The following MYLK variants were observed in gnomAD, a reference collection of about 807,000 sequenced individuals.
The protein encoded by MYLK is myosin light chain kinase, also known as myosin light chain kinase, smooth muscle.
MYLK carries 106 observed loss-of-function variants against 203.4 expected under a neutral mutation model. The observed-to-expected ratio is 0.52, with a 90% CI of 0.45 to 0.61. The LOEUF is 0.61. MYLK is among the 20% of genes least tolerant of loss of function. MYLK has a pLI of 0.00. For synonymous variants in MYLK, 867 were observed against 959.5 expected (o/e 0.90, Z 1.78); for missense variants, 2,072 against 2,442.3 (o/e 0.85, Z 3.20).
chr3:123,745,567 T>C (rs891529781), intron 5 of MYLK, among the ~76,000 whole-genome samples: 1 of 152,218 alleles, frequency 6.6e-6, no homozygotes, highest in Non-Finnish European at 1.5e-5. Context: ...TTGTTGTACA[T>C]GTTAGTCTAC....
chr3:123,666,717 A>G (rs2059746142), intron 21 of MYLK, among the ~76,000 whole-genome samples: 1 of 152,248 alleles, frequency 6.6e-6, no homozygotes, highest in African/African-American at 2.4e-5. Flanking sequence ...GCTTGATTCA[A>G]GTCCTCAAGT....
chr3:123,875,743 G>A (rs1276657886), intron 2 of MYLK, among the ~76,000 whole-genome samples: 2 of 152,114 alleles, frequency 1.3e-5, no homozygotes, highest in African/African-American at 4.8e-5. Context: ...TTGTGTACCT[G>A]GGAAAATGCT....
intron 2 of MYLK, among the ~76,000 whole-genome samples, chr3:123,855,491 G>A (rs532454217): frequency 2.6e-5 from 4 of 151,706 alleles, no homozygotes; most frequent in Non-Finnish European, 4.4e-5. Context: ...GCCTCATCCT[G>A]TCACCCAGGC....
intron 27 of MYLK, 57 bp downstream of exon 27, chr3:123,647,167 G>A (rs1244788782): frequency 2.6e-6 from 4 of 1,532,436 alleles, no homozygotes; most frequent in Non-Finnish European, 3.6e-6. Context: ...GGGCAGTAGG[G>A]GAGACACGTT....
chr3:123,716,537 T>C (rs186545355), intron 13 of MYLK: 2 of 152,216 alleles, frequency 1.3e-5, no homozygotes, highest in East Asian at 3.9e-4. Flanking sequence ...AATGATAGGG[T>C]TGCTAGCTGG....
chr3:123,646,513 A>ATG (rs146598767), intron 27 of MYLK, among the ~76,000 whole-genome samples: 15 of 147,918 alleles, frequency 1.0e-4, no homozygotes, highest in East Asian at 5.8e-4. Flanking sequence ...GCTTGACTGT[A>ATG]TGTGTGTGTG....
At chr3:123,618,932 C>T (rs1411170511) in intron 32 of MYLK, among the ~76,000 whole-genome samples, 162 bp from the exon 33 acceptor site, 1 of 152,208 alleles carries the variant, frequency 6.6e-6, no homozygotes, top group East Asian at 1.9e-4. Flanking sequence ...GACAGGTTGG[C>T]CTGCTGCCAA....
intron 2 of MYLK, among the ~76,000 whole-genome samples, chr3:123,869,269 T>C (rs1383358330): frequency 6.6e-6 from 1 of 152,064 alleles, no homozygotes; most frequent in African/African-American, 2.4e-5. Flanking sequence ...TGGAGGTGAC[T>C]CTCCTCACTC....
intron 4 of MYLK, among the ~76,000 whole-genome samples, chr3:123,783,996 T>A (rs1282428571): frequency 6.6e-6 from 1 of 152,186 alleles, no homozygotes. Context: ...GAAACACATG[T>A]AGGGAATGTG....
intron 24 of MYLK, among the ~76,000 whole-genome samples, chr3:123,655,125 G>A (rs2108258883): frequency 6.6e-6 from 1 of 152,148 alleles, no homozygotes; most frequent in South Asian, 2.1e-4. Context: ...CTTAACCAGG[G>A]CAACCATCTT....
chr3:123,796,476 A>C lies in MYLK; in HGVS notation c.-3-2632T>G, dbSNP rs527421966. Reference sequence around the variant, plus strand: ...ACAAGGGGAAAAGTTGAGAGCCGCTACCACATATGTATAAAATTAAAATAT... The same window carrying C: ...ACAAGGGGAAAAGTTGAGAGCCGCTCCCACATATGTATAAAATTAAAATAT... On this transcript the variant is annotated intron_variant, in intron 3 of 33. Transcript: ENST00000360304. Among the ~76,000 whole-genome samples, 3 of 152,358 alleles carry C rather than the reference A, an allele frequency of 2.0e-5. No individual in the cohort carries two copies. In the East Asian group the frequency reaches 5.8e-4, roughly 29 times the overall value.
intron 23 of MYLK, among the ~76,000 whole-genome samples, chr3:123,658,772 G>A (rs2059469773): frequency 6.6e-6 from 1 of 152,220 alleles, no homozygotes; most frequent in Non-Finnish European, 1.5e-5. Flanking sequence ...GGCTGCAAAT[G>A]ACCCTGTGTA....
At chr3:123,636,008 C>T (rs139286070) in intron 29 of MYLK, among the ~76,000 whole-genome samples, 2 of 152,158 alleles carry the variant, frequency 1.3e-5, no homozygotes, top group Non-Finnish European at 2.9e-5. Context: ...ATTTCATTGA[C>T]ATTAGCCTTG....
At chr3:123,862,035 G>A (rs933346363) in intron 2 of MYLK, among the ~76,000 whole-genome samples, 1 of 152,208 alleles carries the variant, frequency 6.6e-6, no homozygotes, top group African/African-American at 2.4e-5. Context: ...CCAGGCCCGT[G>A]GGGGCTCCAT....
intron 30 of MYLK, among the ~76,000 whole-genome samples, chr3:123,628,576 C>T (rs1402025510): frequency 6.6e-6 from 1 of 152,178 alleles, no homozygotes; most frequent in Non-Finnish European, 1.5e-5. Flanking sequence ...GGGTGAGCTG[C>T]CCAATAGGCC....
intron 8 of MYLK, 86 bp from the exon 9 acceptor site, chr3:123,735,502 G>C: frequency 6.7e-7 from 1 of 1,498,604 alleles, no homozygotes. Flanking sequence ...CCTCATCACC[G>C]TGGTCCCACC....
chr3:123,654,842 G>C (rs2059342787), intron 24 of MYLK, among the ~76,000 whole-genome samples: 1 of 149,128 alleles, frequency 6.7e-6, no homozygotes, highest in African/African-American at 2.5e-5. Context: ...TCAACCTCCT[G>C]AGTAGCTGGG....
Position 123,700,277 on chromosome 3 carries a change from T to G in MYLK, c.3191A>C (p.Lys1064Thr), listed in dbSNP as rs1478565107. 6.2e-7 allele frequency: 1 copy of G among 1,613,362 alleles called. No individual in the cohort carries two copies. Among genetic ancestry groups the G allele is most frequent in the South Asian group, 1.1e-5 (1 of 90,896 alleles). The change falls in exon 18 of 34, where the codon AAA (lysine) becomes ACA (threonine). Residue 1064 changes from lysine (K) to threonine (T), a missense_variant. This residue lies in a region of MYLK where 865 missense variants were observed against 1,016.0 expected (regional missense o/e 0.85). Coordinates refer to ENST00000360304, the MANE Select transcript of MYLK (RefSeq NM_053025.4). ...CTTAACGTCTTTCTTGAGTTCTTCT[T>G]TGCTAGCGGATTTCAGGTTCTCATC... ...KPDENLKSASKEELKKDVKND... is the reference protein window; with the variant it reads ...KPDENLKSASTEELKKDVKND...
chr3:123,707,613 G>C, intron 16 of MYLK, 141 bp downstream of exon 16: 2 of 1,285,260 alleles, frequency 1.6e-6, no homozygotes, highest in Non-Finnish European at 2.3e-6. Flanking sequence ...CTTGTGAGCA[G>C]CACTGAGCCC....
Sources: gnomAD v4.1 joint callset for allele counts (sites outside exome capture counted in the v4.1 genomes callset) on GRCh38, gnomAD v4.1.1 for gene constraint, gnomAD v4.1.1 regional missense constraint, MANE v1.5 for transcripts, NCBI Gene and HGNC (gene_info 2026-07-23, HGNC 2026-07-21) for gene names.